CCDC15: variants seen among roughly 807,000 people sequenced by gnomAD.
The protein encoded by CCDC15 is coiled-coil domain-containing protein 15.
In CCDC15, 105 loss-of-function variants were observed where a neutral mutation model predicts 114.5. The ratio of observed to expected loss-of-function variants is 0.92; its 90% CI spans 0.78 to 1.08. The LOEUF (loss-of-function observed/expected upper bound fraction) is 1.08, where lower values mean the gene tolerates loss of function less well. Ranked by LOEUF, CCDC15 falls within the 50% of genes least tolerant of loss-of-function variation. The probability of loss-of-function intolerance (pLI) is 0.00; values close to 1 mark genes in which losing one functional copy is unlikely to be tolerated. For synonymous variants in CCDC15, 334 were observed against 377.8 expected (o/e 0.88, Z 1.34); for missense variants, 1,105 against 1,093.6 (o/e 1.01, Z -0.15).
At chr11:124,999,508 TGATCCAATA>T (rs1948435124) in intron 11 of CCDC15, among the ~76,000 whole-genome samples, 1 of 152,132 alleles carries the variant, frequency 6.6e-6, no homozygotes, top group Admixed American at 6.5e-5. Flanking sequence ...TCATTTATAT[TGATCCAATA>T]GATTCAAGTT....
intron 13 of CCDC15, among the ~76,000 whole-genome samples, chr11:125,034,308 A>G (rs1276462288): frequency 6.6e-6 from 1 of 152,154 alleles, no homozygotes; most frequent in African/African-American, 2.4e-5. Context: ...CCCAGTTGCA[A>G]GGTCCCATTC....
chr11:125,031,874 G>T (rs1332419025), intron 13 of CCDC15, among the ~76,000 whole-genome samples: 2 of 152,140 alleles, frequency 1.3e-5, no homozygotes, highest in South Asian at 2.1e-4. Flanking sequence ...ATAGTCTGGG[G>T]TAACACACCT....
chr11:124,959,062 A>C (rs1947608184), intron 2 of CCDC15, 53 bp from the exon 3 acceptor site: 3 of 1,315,142 alleles, frequency 2.3e-6, no homozygotes, highest in Admixed American at 5.8e-5. Context: ...AAACAGCCCT[A>C]ATGGACAAAA....
intron 7 of CCDC15, 114 bp downstream of exon 7, chr11:124,987,002 A>C (rs747912359): frequency 1.4e-6 from 2 of 1,384,190 alleles, no homozygotes; most frequent in Non-Finnish European, 1.9e-6. Context: ...AAAGATTATA[A>C]TTTCACATTT....
Position 124,987,353 on chromosome 11 carries a change from C to T in CCDC15, c.1127C>T (p.Ala376Val), listed in dbSNP as rs777717267. 7 of 1,613,446 alleles carry T rather than the reference C, an allele frequency of 4.3e-6. No homozygotes were observed. Among genetic ancestry groups the T allele is most frequent in the Non-Finnish European group, 5.1e-6 (6 of 1,179,508 alleles). ...CAGGTTACTGAGCCAGAAGGCCAGG[C>T]CATTGAGCCAGAAGGCCAGCCTATT... ...KVQVTEPEGQ[A>V]IEPEGQPIKT... is the part of the protein sequence containing the mutation. The change falls in exon 8 of 16, where the codon GCC becomes GTC. Residue 376 changes from alanine to valine, a missense_variant. Physicochemically the swap from Ala to Val is moderately conservative, Grantham distance 64 (BLOSUM62 0). Transcript: ENST00000344762.
intron 6 of CCDC15, among the ~76,000 whole-genome samples, chr11:124,985,536 T>C (rs938549131): frequency 6.6e-6 from 1 of 152,202 alleles, no homozygotes; most frequent in African/African-American, 2.4e-5. Context: ...TGTGAATTGG[T>C]ATCTCACTGT....
intron 2 of CCDC15, among the ~76,000 whole-genome samples, chr11:124,956,016 A>AAGCAAGGTTCAGGATTCTAAGGGTAGATT (rs1947542533): frequency 6.6e-6 from 1 of 152,182 alleles, no homozygotes; most frequent in African/African-American, 2.4e-5. Flanking sequence ...AGTAAGAAGT[A>AAGCAAGGTTCAGGATTCTAAGGGTAGATT]AGCAAGGTTC....
chr11:125,036,634 T>C (rs1457114335), intron 13 of CCDC15, among the ~76,000 whole-genome samples: 1 of 152,204 alleles, frequency 6.6e-6, no homozygotes. Flanking sequence ...CTAGGTATCA[T>C]AGGCATACTT....
intron 13 of CCDC15, among the ~76,000 whole-genome samples, chr11:125,027,135 T>C (rs751521654): frequency 5.3e-5 from 8 of 152,176 alleles, no homozygotes; most frequent in Non-Finnish European, 7.4e-5. Flanking sequence ...TATCCACTCA[T>C]TGGTTGATGG....
rs551837240 is a variant in CCDC15 at position 124,969,414 on chromosome 11, C to T, written c.517-5682C>T. Among the ~76,000 whole-genome samples the T allele has an allele frequency of 3.3e-5, 5 of 152,204 alleles. No homozygotes were observed. In the East Asian group the frequency reaches 9.7e-4, roughly 29 times the overall value. ...CAGTTTCTGTGATGTCCCTTGAAAG[C>T]GGCATTTTGGTGAGGAATTGAAGAA... On this transcript the variant is annotated intron_variant, in intron 4 of 15. Transcript: ENST00000344762.
chr11:125,019,128 T>TCG (rs1948646510), intron 13 of CCDC15, among the ~76,000 whole-genome samples: 1 of 151,982 alleles, frequency 6.6e-6, no homozygotes, highest in Admixed American at 6.6e-5. Flanking sequence ...CTCAGTGGCA[T>TCG]CATGGGGATA....
At chr11:125,022,101 G>C (rs1268785658) in intron 13 of CCDC15, among the ~76,000 whole-genome samples, 1 of 151,798 alleles carries the variant, frequency 6.6e-6, no homozygotes, top group Non-Finnish European at 1.5e-5. Flanking sequence ...TTTAACTTTT[G>C]TATTTTAATA....
At chr11:125,029,446 A>G (rs1948724317) in intron 13 of CCDC15, among the ~76,000 whole-genome samples, 1 of 152,224 alleles carries the variant, frequency 6.6e-6, no homozygotes, top group South Asian at 2.1e-4. Context: ...CCAAAATACT[A>G]TTACTTAAAG....
chr11:125,033,266 C>G (rs1410891210), intron 13 of CCDC15, among the ~76,000 whole-genome samples: 1 of 152,104 alleles, frequency 6.6e-6, no homozygotes, highest in African/African-American at 2.4e-5. Flanking sequence ...CTAGAAACAC[C>G]GTGATTAATT....
intron 13 of CCDC15, among the ~76,000 whole-genome samples, chr11:125,015,274 G>GTA (rs757028205): frequency 2.6e-5 from 4 of 152,116 alleles, no homozygotes; most frequent in South Asian, 2.1e-4. Context: ...TAAAACAAAT[G>GTA]TATAACAGAG....
At chr11:125,010,683 A>C (rs1011304005) in intron 13 of CCDC15, among the ~76,000 whole-genome samples, 1 of 152,102 alleles carries the variant, frequency 6.6e-6, no homozygotes, top group Admixed American at 6.5e-5. Context: ...TTCCTTATAG[A>C]TACTGGATAT....
intron 14 of CCDC15, 128 bp from the exon 15 acceptor site, chr11:125,038,793 C>T: frequency 7.8e-7 from 1 of 1,279,856 alleles, no homozygotes; most frequent in Non-Finnish European, 1.1e-6. Context: ...TTTCCCAGTA[C>T]AAAGAGGAAA....
chr11:124,980,920 A>T (rs1948063463), intron 6 of CCDC15, among the ~76,000 whole-genome samples: 1 of 152,164 alleles, frequency 6.6e-6, no homozygotes, highest in Non-Finnish European at 1.5e-5. Context: ...TTCCCTCTTA[A>T]CACTGCTTTG....
At chr11:125,005,273 G>T in intron 13 of CCDC15, 61 bp downstream of exon 13, 1 of 719,960 alleles carries the variant, frequency 1.4e-6, no homozygotes, top group South Asian at 2.1e-5. Context: ...TTTGGAAGAT[G>T]AACTTTAGAA....
Sources: gnomAD v4.1 joint callset for allele counts (sites outside exome capture counted in the v4.1 genomes callset) on GRCh38, gnomAD v4.1.1 for gene constraint, MANE v1.5 for transcripts, NCBI Gene and HGNC (gene_info 2026-07-23, HGNC 2026-07-21) for gene names.